XAGE2: variants seen among roughly 807,000 people sequenced by gnomAD.
XAGE2 encodes the protein G antigen family D member 3.
XAGE2 carries 7 observed loss-of-function variants against 9.9 expected under a neutral mutation model. That is an observed-to-expected ratio of 0.71 (90% CI 0.40 to 1.32). The LOEUF (loss-of-function observed/expected upper bound fraction) is 1.32, where lower values mean the gene tolerates loss of function less well. Ranked by LOEUF, XAGE2 falls within the 40% of genes most tolerant of loss-of-function variation. The pLI is 0.01. For synonymous variants in XAGE2, 31 were observed against 26.8 expected (o/e 1.16, Z -0.48); for missense variants, 85 against 81.0 (o/e 1.05, Z -0.19).
At chrX:52,371,342 T>G (rs1411869896) in intron 3 of XAGE2, among the ~76,000 whole-genome samples, 2 of 112,212 alleles carry the variant, frequency 1.8e-5, no homozygotes, top group African/African-American at 6.5e-5. Context: ...TGAAGCAGGA[T>G]AGCAAATCCG....
rs1319815213 is a variant in XAGE2 at position 52,370,175 on chromosome X, C to A, written c.81+80C>A. ...GTGTTGTTGAACTAGTATAGATACACTGATAAAGGTCTTCCATGTTGATAA... is the reference window on the plus strand; with the variant it reads ...GTGTTGTTGAACTAGTATAGATACAATGATAAAGGTCTTCCATGTTGATAA... On this transcript the variant is annotated intron_variant, in intron 2 of 4. Transcript: ENST00000286049. The A allele has an allele frequency of 6.4e-6, 6 of 934,378 alleles. No individual in the cohort carries two copies. In the African/African-American group the frequency reaches 1.2e-4, roughly 18 times the overall value. 77.0% of individuals were successfully genotyped at this position (934,378 alleles called of 1,213,427 possible).
chrX:52,373,587 T>G (rs1310380841), intron 4 of XAGE2, among the ~76,000 whole-genome samples: 3 of 111,885 alleles, frequency 2.7e-5, no homozygotes, highest in African/African-American at 9.7e-5. Flanking sequence ...ACACATGATA[T>G]AATCACCTCT....
intron 4 of XAGE2, among the ~76,000 whole-genome samples, chrX:52,373,142 T>C (rs944164184): frequency 8.9e-6 from 1 of 112,360 alleles, no homozygotes; most frequent in East Asian, 2.8e-4. Context: ...TCCGTTTCAA[T>C]GCTGATTTCT....
chrX:52,369,612 T>C (rs1439139456), intron 1 of XAGE2, among the ~76,000 whole-genome samples: 13 of 112,006 alleles, frequency 1.2e-4, no homozygotes, highest in African/African-American at 3.9e-4. Flanking sequence ...TGGGCGGGAC[T>C]GTGCTTTCCA....
chrX:52,370,083 T>G lies in XAGE2; in HGVS notation c.69T>G (p.Ile23Met), dbSNP rs1430891229. 36 of 1,210,585 alleles carry G rather than the reference T, an allele frequency of 3.0e-5. No individual in the cohort carries two copies. The highest frequency in any genetic ancestry group is 4.0e-5 in the Non-Finnish European group (36 of 895,109). ...GAAGTTTACAGCCTCCTGAGCTGAT[T>G]GGGGCTATGCTTGTGAGTGCTTTAA... ...PRRSLQPPELIGAMLEPTDEE... is the reference protein window; with the variant it reads ...PRRSLQPPELMGAMLEPTDEE... The change falls in exon 2 of 5, where the codon ATT becomes ATG. Residue 23 changes from isoleucine to methionine, a missense_variant. Ile to Met is a conservative substitution (Grantham distance 10). Coordinates refer to ENST00000286049, the MANE Select transcript of XAGE2 (RefSeq NM_130777.3).
At chrX:52,372,486 T>C in intron 3 of XAGE2, 58 bp from the exon 4 acceptor site, 2 of 1,187,657 alleles carry the variant, frequency 1.7e-6, no homozygotes, top group South Asian at 1.8e-5. Context: ...ATATTATTAC[T>C]TCCTTATTTA....
At position 52,372,643 on chromosome X, in the gene XAGE2, C is replaced by T. The variant is rs1391985326; in HGVS notation, c.287C>T (p.Ala96Val). 1 of 1,211,285 alleles carries T rather than the reference C, an allele frequency of 8.3e-7. No homozygotes were observed. Among genetic ancestry groups the T allele is most frequent in the Non-Finnish European group, 1.1e-6 (1 of 895,114 alleles). ...TDVKGKILPKAEHFKMPEAGE... is the reference protein window; with the variant it reads ...TDVKGKILPKVEHFKMPEAGE... Reference sequence around the variant, plus strand: ...GTCAAGGGGAAGATTCTACCAAAAGCAGAGCACTTTAAAATGCCAGAAGCA... The same window carrying T: ...GTCAAGGGGAAGATTCTACCAAAAGTAGAGCACTTTAAAATGCCAGAAGCA... The change falls in exon 4 of 5, where the codon GCA becomes GTA. Residue 96 changes from alanine (A) to valine (V), a missense_variant. Ala to Val is a moderately conservative substitution (Grantham distance 64, BLOSUM62 0). Coordinates refer to ENST00000286049, the MANE Select transcript of XAGE2 (RefSeq NM_130777.3).
intron 4 of XAGE2, 133 bp downstream of exon 4, chrX:52,372,802 T>G: frequency 1.1e-6 from 1 of 895,338 alleles, no homozygotes. Context: ...GAAAGGTACT[T>G]CAGATCCCAA....
chrX:52,374,473 T>C (rs1234175598), intron 4 of XAGE2, among the ~76,000 whole-genome samples: 1 of 112,038 alleles, frequency 8.9e-6, no homozygotes, highest in Non-Finnish European at 1.9e-5. Flanking sequence ...CCTCGGGTGA[T>C]CCACTTGCCT....
intron 4 of XAGE2, among the ~76,000 whole-genome samples, chrX:52,375,172 A>G (rs1569558066): frequency 8.9e-6 from 1 of 112,284 alleles, no homozygotes; most frequent in East Asian, 2.8e-4. Context: ...CCAAAATATT[A>G]AATTGTACAT....
At chrX:52,374,980 G>A (rs1486326774) in intron 4 of XAGE2, among the ~76,000 whole-genome samples, 2 of 111,396 alleles carry the variant, frequency 1.8e-5, no homozygotes, top group African/African-American at 6.5e-5. Context: ...TCTACAGAAG[G>A]GTAAACTAAC....
chrX:52,373,400 G>A (rs913948095), intron 4 of XAGE2, among the ~76,000 whole-genome samples: 4 of 111,526 alleles, frequency 3.6e-5, no homozygotes, highest in Non-Finnish European at 5.6e-5. Context: ...CCTTCCCACC[G>A]TGAAGCCTTG....
chrX:52,373,093 G>A (rs1298580530), intron 4 of XAGE2, among the ~76,000 whole-genome samples: 1 of 112,597 alleles, frequency 8.9e-6, no homozygotes, highest in Non-Finnish European at 1.9e-5. Context: ...CATCTTTGCT[G>A]TTATTGAAAA....
At chrX:52,372,774 C>T in intron 4 of XAGE2, 105 bp downstream of exon 4, 1 of 1,014,042 alleles carries the variant, frequency 9.9e-7, no homozygotes, top group South Asian at 2.1e-5. Flanking sequence ...TAACAGTGTT[C>T]AAATACACAC....
At chrX:52,372,369 A>G (rs1028719650) in intron 3 of XAGE2, among the ~76,000 whole-genome samples, 175 bp from the exon 4 acceptor site, 1 of 111,359 alleles carries the variant, frequency 9.0e-6, no homozygotes, top group East Asian at 2.8e-4. Context: ...TAAAAAACAA[A>G]TAAAATAGGA....
At chrX:52,372,117 G>A (rs907759262) in intron 3 of XAGE2, among the ~76,000 whole-genome samples, 4 of 111,396 alleles carry the variant, frequency 3.6e-5, no homozygotes, top group Admixed American at 2.9e-4. Flanking sequence ...TTGGAAGGCC[G>A]AGGCTGGTGG....
intron 1 of XAGE2, 134 bp downstream of exon 1, chrX:52,369,348 G>A (rs1201728706): frequency 8.9e-6 from 1 of 112,992 alleles, no homozygotes; most frequent in Admixed American, 9.1e-5. Context: ...ATGAAGATAG[G>A]GTGAATGCTC....
chrX:52,372,407 G>A, intron 3 of XAGE2, 137 bp from the exon 4 acceptor site: 1 of 820,798 alleles, frequency 1.2e-6, no homozygotes, highest in Non-Finnish European at 1.8e-6. Flanking sequence ...ACAAAAGTGT[G>A]ACAGCTTTGC....
intron 4 of XAGE2, among the ~76,000 whole-genome samples, chrX:52,373,999 C>T (rs1921256891): frequency 9.0e-6 from 1 of 110,842 alleles, no homozygotes; most frequent in African/African-American, 3.3e-5. Context: ...CAGAATAAAC[C>T]TAATGGAAAA....
Sources: gnomAD v4.1 joint callset for allele counts (sites outside exome capture counted in the v4.1 genomes callset) on GRCh38, gnomAD v4.1.1 for gene constraint, MANE v1.5 for transcripts, NCBI Gene and HGNC (gene_info 2026-07-23, HGNC 2026-07-21) for gene names.